The following GPATCH2 variants were observed in gnomAD, a reference collection of about 807,000 sequenced individuals.
GPATCH2 encodes the protein G-patch domain containing 2.
GPATCH2 carries 51 observed loss-of-function variants against 58.0 expected under a neutral mutation model. The ratio of observed to expected loss-of-function variants is 0.88; its 90% CI spans 0.70 to 1.11. GPATCH2 has a LOEUF of 1.11. Ranked by LOEUF, GPATCH2 falls within the 50% of genes most tolerant of loss-of-function variation. The pLI, the probability that GPATCH2 is intolerant of heterozygous loss-of-function variation, is 0.00. For missense variants in GPATCH2, 625 were observed against 652.2 expected, an observed-to-expected ratio of 0.96 and a Z score of 0.45; for synonymous variants, 222 against 218.5, an observed-to-expected ratio of 1.02 and a Z score of -0.14.
At chr1:217,574,040 G>A (rs568367563) in intron 5 of GPATCH2, among the ~76,000 whole-genome samples, 200 of 152,242 alleles carry the variant, frequency 1.3e-3, no homozygotes, top group African/African-American at 4.4e-3. Context: ...GAAAAGCAAC[G>A]TGCAGTCTTA....
intron 5 of GPATCH2, among the ~76,000 whole-genome samples, chr1:217,524,435 C>T (rs374149627): frequency 0.16 from 24,024 of 150,874 alleles, 2,585 homozygotes; most frequent in East Asian, 0.48. Flanking sequence ...CAGGCAGAGA[C>T]GCTCCTCACT....
chr1:217,521,504 T>C (rs1213893424), intron 5 of GPATCH2, among the ~76,000 whole-genome samples: 3 of 152,126 alleles, frequency 2.0e-5, no homozygotes, highest in African/African-American at 7.2e-5. Flanking sequence ...AACTTCTGGG[T>C]AGCATGCGGG....
intron 5 of GPATCH2, among the ~76,000 whole-genome samples, chr1:217,543,926 C>A (rs1052325124): frequency 2.7e-4 from 41 of 152,206 alleles, no homozygotes; most frequent in African/African-American, 9.9e-4. Flanking sequence ...CTCAGGCTCG[C>A]TTGGCTAACA....
intron 1 of GPATCH2, among the ~76,000 whole-genome samples, chr1:217,626,786 A>G (rs1247352920): frequency 6.6e-6 from 1 of 151,590 alleles, no homozygotes; most frequent in African/African-American, 2.4e-5. Flanking sequence ...TAACCCTAAC[A>G]CTAAATGTCG....
intron 8 of GPATCH2, among the ~76,000 whole-genome samples, chr1:217,458,162 G>A (rs1460317755): frequency 1.3e-5 from 2 of 152,116 alleles, no homozygotes; most frequent in East Asian, 3.9e-4. Context: ...CCCGGGAGGC[G>A]GAGCTTGCAG....
intron 5 of GPATCH2, among the ~76,000 whole-genome samples, chr1:217,585,342 G>C (rs752703833): frequency 1.3e-5 from 2 of 152,160 alleles, no homozygotes; most frequent in Non-Finnish European, 2.9e-5. Context: ...GAACAGCAGT[G>C]CCGGGCGCGG....
At chr1:217,624,860 G>C (rs995951959) in intron 1 of GPATCH2, among the ~76,000 whole-genome samples, 4 of 151,910 alleles carry the variant, frequency 2.6e-5, no homozygotes, top group African/African-American at 9.7e-5. Context: ...AAATCTTCTG[G>C]GAACAGTTAA....
chr1:217,611,077 C>G lies in GPATCH2; in HGVS notation c.836-6G>C. 6.2e-7 allele frequency: 1 copy of G among 1,603,032 alleles called. No individual in the cohort carries two copies. Among genetic ancestry groups the G allele is most frequent in the East Asian group, 2.2e-5 (1 of 44,624 alleles). ...GTCACTCTGTTCATCATCACCTGTGCAAATACAAGAAACCCCCCCCCACCA... is the reference window on the plus strand; with the variant it reads ...GTCACTCTGTTCATCATCACCTGTGGAAATACAAGAAACCCCCCCCCACCA... On this transcript the variant is annotated splice_polypyrimidine_tract_variant and splice_region_variant and intron_variant, in intron 3 of 9. Coordinates refer to ENST00000366935, the MANE Select transcript of GPATCH2 (RefSeq NM_018040.5).
chr1:217,456,813 A>G (rs2102481323), intron 8 of GPATCH2, among the ~76,000 whole-genome samples: 1 of 152,346 alleles, frequency 6.6e-6, no homozygotes, highest in Middle Eastern at 3.4e-3. Context: ...TGCCACATAT[A>G]TAGGTCACCT....
chr1:217,481,754 G>A (rs1196243659), intron 8 of GPATCH2, among the ~76,000 whole-genome samples: 1 of 152,124 alleles, frequency 6.6e-6, no homozygotes, highest in African/African-American at 2.4e-5. Flanking sequence ...CTAATCAGAA[G>A]GCTGAGGCAG....
chr1:217,489,216 T>A (rs1360749677), intron 8 of GPATCH2, among the ~76,000 whole-genome samples: 1 of 151,978 alleles, frequency 6.6e-6, no homozygotes, highest in African/African-American at 2.4e-5. Flanking sequence ...GAATTAACTA[T>A]TTTTAAATAG....
At chr1:217,609,489 AAC>A in intron 5 of GPATCH2, 2 of 984,212 alleles carry the variant, frequency 2.0e-6, no homozygotes, top group East Asian at 2.3e-4. Context: ...GCTAATTTAA[AAC>A]GAGGATGATT....
chr1:217,572,559 C>A (rs751125118), intron 5 of GPATCH2, among the ~76,000 whole-genome samples: 2 of 152,146 alleles, frequency 1.3e-5, no homozygotes, highest in Non-Finnish European at 2.9e-5. Flanking sequence ...TGCACAACAA[C>A]CCCAATGAGA....
At position 217,427,944 on chromosome 1, in the gene GPATCH2, A is replaced by G. The variant is rs1190715403; in HGVS notation, c.*3201T>C. ...GTGTTAACTTCTGTTTGATAGCCAC[A>G]GTATGAGTTATAAAATATATGGTAT... is the stretch of plus-strand genomic sequence containing the variant. On this transcript the variant is annotated 3_prime_UTR_variant, in exon 10 of 10. Coordinates refer to ENST00000366935, the MANE Select transcript of GPATCH2 (RefSeq NM_018040.5). 6.6e-6 allele frequency: 1 copy of G among 152,212 alleles called. No homozygotes were observed. The highest frequency in any genetic ancestry group is 1.5e-5 in the Non-Finnish European group (1 of 68,018). 9.4% of individuals were successfully genotyped at this position (152,212 alleles called of 1,614,324 possible).
At chr1:217,522,088 C>T (rs141024765) in intron 5 of GPATCH2, among the ~76,000 whole-genome samples, 92 of 152,162 alleles carry the variant, frequency 6.0e-4, no homozygotes, top group African/African-American at 2.2e-3. Flanking sequence ...ATGACATTAG[C>T]AATTATGTTT....
intron 8 of GPATCH2, among the ~76,000 whole-genome samples, chr1:217,454,626 TC>T (rs1659855364): frequency 6.6e-6 from 1 of 150,406 alleles, no homozygotes; most frequent in East Asian, 2.0e-4. Context: ...CCTTTTTTTT[TC>T]CTCCCCTTTT....
intron 5 of GPATCH2, among the ~76,000 whole-genome samples, chr1:217,543,491 G>A (rs911201560): frequency 1.3e-5 from 2 of 151,874 alleles, no homozygotes; most frequent in Admixed American, 6.6e-5. Context: ...GGATGGTCTC[G>A]ATCTCCTGAC....
intron 5 of GPATCH2, among the ~76,000 whole-genome samples, chr1:217,518,242 G>T (rs1467104375): frequency 6.6e-6 from 1 of 152,042 alleles, no homozygotes; most frequent in African/African-American, 2.4e-5. Flanking sequence ...AATATTATCA[G>T]TCTCAGGAAA....
intron 7 of GPATCH2, among the ~76,000 whole-genome samples, chr1:217,497,626 G>A (rs1195392725): frequency 6.6e-6 from 1 of 152,036 alleles, no homozygotes; most frequent in Non-Finnish European, 1.5e-5. Flanking sequence ...CTAAGTCTCT[G>A]CCTACCCCTC....
Sources: allele counts gnomAD v4.1 joint callset (sites outside exome capture counted in the v4.1 genomes callset), GRCh38; gene constraint gnomAD v4.1.1; transcripts MANE v1.5; gene names NCBI Gene and HGNC (gene_info 2026-07-23, HGNC 2026-07-21).